Variants in TUBB8 observed in about 807,000 individuals in gnomAD.
TUBB8 encodes tubulin beta 8 class VIII.
TUBB8 carries 25 observed loss-of-function variants against 33.7 expected under a neutral mutation model. That is an observed-to-expected ratio of 0.74 (90% CI 0.54 to 1.04). The LOEUF (loss-of-function observed/expected upper bound fraction) is 1.04, where lower values mean the gene tolerates loss of function less well. Among genes scored for constraint, TUBB8 ranks in the 50% least tolerant of loss-of-function variants. TUBB8 has a pLI of 0.00. For missense variants in TUBB8, 279 were observed against 608.0 expected (o/e 0.46, Z 5.69); for synonymous variants, 245 against 240.1 (o/e 1.02, Z -0.19).
chr10:74,625 C>CAAAAAAAAAAAAAAAAAAAAGAAAAA (rs35723619), upstream of TUBB8, among the ~76,000 whole-genome samples: 1 of 89,680 alleles, frequency 1.1e-5, no homozygotes. Flanking sequence ...GACTCAGTAT[C>CAAAAAAAAAAAAAAAAAAAAGAAAAA]AAAAAAAAAA....
intron 1 of TUBB8, among the ~76,000 whole-genome samples, chr10:66,677 T>G (rs564320990): frequency 6.6e-6 from 1 of 152,318 alleles, no homozygotes; most frequent in East Asian, 1.9e-4. Flanking sequence ...AATTACATTT[T>G]TAAAAATCAA....
At chr10:76,139 CA>C (rs71374333), upstream of TUBB8, among the ~76,000 whole-genome samples, 8,789 of 73,174 alleles carry the variant, frequency 0.12, 245 homozygotes, top group Non-Finnish European at 0.14. Flanking sequence ...AACTCCGTCT[CA>C]AAAAAAAAAA....
At chr10:70,409 A>G (rs1260332198) in intron 1 of TUBB8, among the ~76,000 whole-genome samples, 2 of 152,068 alleles carry the variant, frequency 1.3e-5, no homozygotes, top group Non-Finnish European at 2.9e-5. Context: ...CATTAGGTAT[A>G]TCTCCTAATG....
intron 3 of TUBB8, 173 bp downstream of exon 3, chr10:48,442 G>GC (rs1834401084): frequency 2.9e-6 from 2 of 694,052 alleles, no homozygotes; most frequent in South Asian, 3.3e-5. Context: ...AGACACCAGG[G>GC]CCTTCCTCCC....
At chr10:62,203 T>C (rs1290600095) in intron 1 of TUBB8, among the ~76,000 whole-genome samples, 3 of 152,212 alleles carry the variant, frequency 2.0e-5, no homozygotes, top group Non-Finnish European at 4.4e-5. Context: ...TTAGTGAAGG[T>C]GATTTATCTT....
At chr10:70,608 G>A (rs1314526997) in intron 1 of TUBB8, among the ~76,000 whole-genome samples, 2 of 152,170 alleles carry the variant, frequency 1.3e-5, no homozygotes. Flanking sequence ...GGGAGGCCGA[G>A]GCGGGCGGAT....
At chr10:71,851 A>G (rs1284119822) in intron 1 of TUBB8, among the ~76,000 whole-genome samples, 1 of 152,074 alleles carries the variant, frequency 6.6e-6, no homozygotes, top group Non-Finnish European at 1.5e-5. Context: ...TCAAGGCTGC[A>G]GTAAGCCATG....
chr10:67,153 GT>G (rs199984115), intron 1 of TUBB8, among the ~76,000 whole-genome samples: 86,956 of 140,298 alleles, frequency 0.62, 25,383 homozygotes, highest in East Asian at 0.76. Flanking sequence ...TTTTTTTGTT[GT>G]TTTTTTTTTT....
intron 1 of TUBB8, among the ~76,000 whole-genome samples, chr10:62,051 A>G (rs1464757861): frequency 6.6e-6 from 1 of 151,814 alleles, no homozygotes; most frequent in Non-Finnish European, 1.5e-5. Context: ...CCATTCATCC[A>G]CTATTTGTCT....
chr10:71,498 G>C (rs1462384148), intron 1 of TUBB8, among the ~76,000 whole-genome samples: 1 of 151,808 alleles, frequency 6.6e-6, no homozygotes, highest in Non-Finnish European at 1.5e-5. Flanking sequence ...CCGCATGCCT[G>C]TAATCCCAGC....
intron 1 of TUBB8, among the ~76,000 whole-genome samples, chr10:61,705 G>A (rs1834604134): frequency 6.6e-6 from 1 of 152,194 alleles, no homozygotes; most frequent in Non-Finnish European, 1.5e-5. Flanking sequence ...GTGTCGAAGT[G>A]TTCAGCCATT....
upstream of TUBB8, among the ~76,000 whole-genome samples, chr10:76,136 T>C (rs1554743179): frequency 2.1e-5 from 2 of 94,978 alleles, no homozygotes; most frequent in East Asian, 5.0e-4. Context: ...CGAAACTCCG[T>C]CTCAAAAAAA....
chr10:47,159 G>A lies in TUBB8; in HGVS notation c.1233C>T (p.Ala411=), dbSNP rs782818787. 1.8e-5 allele frequency: 28 copies of A among 1,597,932 alleles called. No individual in the cohort carries two copies. The highest frequency in any genetic ancestry group is 9.5e-5 in the African/African-American group (7 of 73,896). Residue 411 remains alanine (A), a synonymous_variant, in exon 4 of 4, where the codon GCC becomes GCT. Coordinates refer to ENST00000568584, the MANE Select transcript of TUBB8 (RefSeq NM_177987.3). ...EGMDEMEFTE[A]ESNMNDLVSE... ...ACACCAGGTCGTTCATGTTGCTCTC[G>A]GCCTCGGTGAATTCCATCTCATCCA...
intron 1 of TUBB8, among the ~76,000 whole-genome samples, chr10:61,279 C>T (rs535771581): frequency 1.6e-4 from 24 of 152,238 alleles, no homozygotes; most frequent in African/African-American, 5.8e-4. Context: ...ACCTCTTTTA[C>T]CATATTCCAC....
chr10:61,556 G>T (rs1834601827), intron 1 of TUBB8, among the ~76,000 whole-genome samples: 2 of 152,202 alleles, frequency 1.3e-5, no homozygotes, highest in South Asian at 4.1e-4. Context: ...CATGTGCAGA[G>T]AAGAATGTGT....
In TUBB8 at chr10:49,239, G is replaced by A. The variant is rs782652485; in HGVS notation, c.-1C>T. 28 of 1,583,538 alleles carry A rather than the reference G, an allele frequency of 1.8e-5. No homozygotes were observed. Among genetic ancestry groups the A allele is most frequent in the Non-Finnish European group, 2.4e-5 (28 of 1,165,412 alleles). On this transcript the variant is annotated 5_prime_UTR_variant, in exon 1 of 4. Coordinates refer to ENST00000568584, the MANE Select transcript of TUBB8 (RefSeq NM_177987.3). ...TCTGCGTGAGCACGATCTCCCTCATGGCCAAGGCGGGATTAGGACGGCAGG... is the reference window on the plus strand; with the variant it reads ...TCTGCGTGAGCACGATCTCCCTCATAGCCAAGGCGGGATTAGGACGGCAGG...
At chr10:57,746 G>T (rs1458263541) in intron 1 of TUBB8, among the ~76,000 whole-genome samples, 1 of 152,160 alleles carries the variant, frequency 6.6e-6, no homozygotes, top group Non-Finnish European at 1.5e-5. Context: ...TGTGATGGGG[G>T]GCTGCCTTTT....
chr10:68,739 C>T (rs1156856226), intron 1 of TUBB8, among the ~76,000 whole-genome samples: 2 of 152,234 alleles, frequency 1.3e-5, no homozygotes, highest in African/African-American at 2.4e-5. Context: ...AAAGCAAAGA[C>T]GGCCTCCCAG....
At position 47,645 on chromosome 10, in the gene TUBB8, G is replaced by A. The variant is rs781807177; in HGVS notation, c.747C>T (p.Asp249=). The change falls in exon 4 of 4, where the codon GAC becomes GAT. Residue 249 remains aspartate, a synonymous_variant. Coordinates refer to ENST00000568584, the MANE Select transcript of TUBB8 (RefSeq NM_177987.3). ...CCATGTTCACGGCCAGCTTCCGCAG[G>A]TCAGCATTCAGCTGGCCCGGGAAGC... ...CLRFPGQLNA[D]LRKLAVNMVP... 2.5e-6 allele frequency: 4 copies of A among 1,610,130 alleles called. No homozygotes were observed. The South Asian group carries it at 3.3e-5, about 13-fold the overall frequency.
Sources: gnomAD v4.1 joint callset for allele counts (sites outside exome capture counted in the v4.1 genomes callset) on GRCh38, gnomAD v4.1.1 for gene constraint, MANE v1.5 for transcripts, NCBI Gene and HGNC (gene_info 2026-07-23, HGNC 2026-07-21) for gene names.